The following VNN1 variants were observed in gnomAD, a reference collection of about 807,000 sequenced individuals.
The protein encoded by VNN1 is pantetheinase.
Under a neutral mutation model 41.9 loss-of-function variants are expected in VNN1, and 29 were observed. The observed-to-expected ratio is 0.69, with a 90% CI of 0.52 to 0.94. The LOEUF is 0.94. Among genes scored for constraint, VNN1 ranks in the 40% least tolerant of loss-of-function variants. The probability of loss-of-function intolerance (pLI) is 0.00; values close to 1 mark genes in which losing one functional copy is unlikely to be tolerated. For missense variants in VNN1, 637 were observed against 621.1 expected (o/e 1.03, Z -0.27); for synonymous variants, 233 against 224.4 (o/e 1.04, Z -0.34).
At chr6:132,699,860 T>A (rs1778426497) in intron 2 of VNN1, among the ~76,000 whole-genome samples, 2 of 152,314 alleles carry the variant, frequency 1.3e-5, no homozygotes, top group Middle Eastern at 6.8e-3. Context: ...ATATAACACC[T>A]CAATAGTAAG....
intron 1 of VNN1, among the ~76,000 whole-genome samples, chr6:132,712,511 T>G (rs1778617206): frequency 1.3e-5 from 2 of 152,206 alleles, no homozygotes. Context: ...TCGTTAACTA[T>G]AAACCTAGCT....
At chr6:132,683,345 C>T in intron 6 of VNN1, 23 bp from the exon 7 acceptor site, 1 of 1,597,348 alleles carries the variant, frequency 6.3e-7, no homozygotes, top group Non-Finnish European at 8.5e-7. Flanking sequence ...AAAAAGTAGG[C>T]AAAGGCTACC....
At chr6:132,688,817 T>C (rs1778240387) in intron 5 of VNN1, among the ~76,000 whole-genome samples, 1 of 152,180 alleles carries the variant, frequency 6.6e-6, no homozygotes, top group Non-Finnish European at 1.5e-5. Context: ...ATTTTGTACC[T>C]GTGTTCATGA....
Position 132,692,265 on chromosome 6 carries a change from T to C in VNN1, c.1146A>G (p.Ala382=). 1.2e-6 allele frequency: 2 copies of C among 1,609,504 alleles called. No individual in the cohort carries two copies. Among genetic ancestry groups the C allele is most frequent in the Non-Finnish European group, 1.7e-6 (2 of 1,177,700 alleles). The change falls in exon 5 of 7, where the codon GCA becomes GCG. Residue 382 remains alanine (A), a synonymous_variant. Coordinates refer to ENST00000367928, the MANE Select transcript of VNN1 (RefSeq NM_004666.3). ...CTTCCACAGTGTGCAGTCCGTCAAA[T>C]GCCCCTAGAGCGTACACTTCATTTG... ...NIPNEVYALG[A]FDGLHTVEGR... is the part of the protein sequence containing the mutation.
At chr6:132,701,058 A>G (rs2840826) in intron 2 of VNN1, among the ~76,000 whole-genome samples, 71,523 of 152,054 alleles carry the variant, frequency 0.47, 19,053 homozygotes, top group African/African-American at 0.72. Context: ...TCATCTGTGA[A>G]ACATTCAAAT....
chr6:132,703,856 G>A lies in VNN1; in HGVS notation c.341+7853C>T, dbSNP rs187823491. On this transcript the variant is annotated intron_variant, in intron 2 of 6. Transcript: ENST00000367928. ...AAGACACACACAGACAGAAAATAAA[G>A]GGATAGCAAAGATTTCCATGCAAAT... is the stretch of plus-strand genomic sequence containing the variant. Among the ~76,000 whole-genome samples the A allele has an allele frequency of 1.3e-3, 192 of 152,176 alleles. 1 individual carries two copies. Among genetic ancestry groups the A allele is most frequent in the African/African-American group, 4.4e-3 (181 of 41,536 alleles).
At chr6:132,706,587 T>G (rs2114369887) in intron 2 of VNN1, among the ~76,000 whole-genome samples, 1 of 152,290 alleles carries the variant, frequency 6.6e-6, no homozygotes, top group East Asian at 1.9e-4. Context: ...CTCCAGGACA[T>G]TGGTCTGGAC....
intron 2 of VNN1, among the ~76,000 whole-genome samples, chr6:132,707,668 A>T (rs942050745): frequency 2.0e-5 from 3 of 152,240 alleles, no homozygotes; most frequent in African/African-American, 7.2e-5. Flanking sequence ...AGGCACAGAA[A>T]GGCAAACATC....
At position 132,702,095 on chromosome 6, in the gene VNN1, C is replaced by T. The variant is rs1030265265; in HGVS notation, c.342-7913G>A. Among the ~76,000 whole-genome samples, 10 of 152,170 alleles carry T rather than the reference C, an allele frequency of 6.6e-5. No homozygotes were observed. In the East Asian group the frequency reaches 1.7e-3, roughly 26 times the overall value. Reference sequence around the variant, plus strand: ...CAGTCTAGGCCAGGGGTTCCCAATCCCTATGCCATGGACTGTGGCCTGTTA... The same window carrying T: ...CAGTCTAGGCCAGGGGTTCCCAATCTCTATGCCATGGACTGTGGCCTGTTA... On this transcript the variant is annotated intron_variant, in intron 2 of 6. Transcript: ENST00000367928.
At position 132,713,819 on chromosome 6, in the gene VNN1, A is replaced by T. The variant is rs753755825; in HGVS notation, c.210+7T>A. The T allele has an allele frequency of 1.1e-5, 18 of 1,612,248 alleles. No individual in the cohort carries two copies. The highest frequency in any genetic ancestry group is 1.5e-5 in the Non-Finnish European group (18 of 1,179,944). The stretch of plus-strand genomic sequence containing the variant: ...CCAGTACACTGGAGAGATGGTAGAG[A>T]TGGTACCTGATCTGCTGCTGATGTG... On this transcript the variant is annotated splice_region_variant and intron_variant, in intron 1 of 6. Coordinates refer to ENST00000367928, the MANE Select transcript of VNN1 (RefSeq NM_004666.3).
At chr6:132,685,343 G>C (rs1778190689) in intron 5 of VNN1, among the ~76,000 whole-genome samples, 1 of 152,188 alleles carries the variant, frequency 6.6e-6, no homozygotes, top group South Asian at 2.1e-4. Context: ...TCTCTTGCTT[G>C]ACTAAAGCAG....
intron 5 of VNN1, among the ~76,000 whole-genome samples, chr6:132,689,951 C>T (rs1361242914): frequency 6.6e-6 from 1 of 152,164 alleles, no homozygotes; most frequent in Non-Finnish European, 1.5e-5. Context: ...GCATCTCACC[C>T]ACCCAGCCAT....
At chr6:132,694,728 G>T (rs191585151) in intron 2 of VNN1, among the ~76,000 whole-genome samples, 1 of 151,970 alleles carries the variant, frequency 6.6e-6, no homozygotes, top group African/African-American at 2.4e-5. Context: ...CAGGCATAGT[G>T]GTGTGTGCCT....
At position 132,710,302 on chromosome 6, in the gene VNN1, G is replaced by A. The variant is rs373111710; in HGVS notation, c.341+1407C>T. Among the ~76,000 whole-genome samples the A allele has an allele frequency of 1.5e-4, 23 of 152,118 alleles. 1 individual carries two copies. In the East Asian group the frequency reaches 1.7e-3, roughly 11 times the overall value. ...TGACCTCAGGTGATCCTCCTGCCTC[G>A]GCCTCCCAAAGTGTTGGAATTACAG... On this transcript the variant is annotated intron_variant, in intron 2 of 6. Transcript: ENST00000367928.
At chr6:132,685,884 G>A (rs1325537408) in intron 5 of VNN1, among the ~76,000 whole-genome samples, 1 of 152,176 alleles carries the variant, frequency 6.6e-6, no homozygotes, top group Non-Finnish European at 1.5e-5. Flanking sequence ...GAAAGTTTAA[G>A]AGACATAGTT....
chr6:132,712,190 C>T (rs1778611727), intron 1 of VNN1, among the ~76,000 whole-genome samples: 1 of 149,530 alleles, frequency 6.7e-6, no homozygotes, highest in Admixed American at 6.7e-5. Context: ...CGCTCTGCTG[C>T]CCAGGCTGGA....
chr6:132,695,059 G>A (rs1296359638), intron 2 of VNN1, among the ~76,000 whole-genome samples: 1 of 152,130 alleles, frequency 6.6e-6, no homozygotes, highest in Non-Finnish European at 1.5e-5. Context: ...GGCTGAGGTG[G>A]GAGAATTGCT....
chr6:132,694,699 G>GAA (rs537526092), intron 2 of VNN1, among the ~76,000 whole-genome samples: 3,455 of 131,116 alleles, frequency 0.026, 74 homozygotes, highest in South Asian at 0.1. Flanking sequence ...TACAAAAAAT[G>GAA]AAAAAAAAAA....
intron 2 of VNN1, among the ~76,000 whole-genome samples, chr6:132,695,434 C>A (rs1198630885): frequency 6.6e-6 from 1 of 152,166 alleles, no homozygotes; most frequent in Non-Finnish European, 1.5e-5. Context: ...GTTCCTAAAG[C>A]AGCTTGCAGG....
Sources: allele counts gnomAD v4.1 joint callset (sites outside exome capture counted in the v4.1 genomes callset), GRCh38; gene constraint gnomAD v4.1.1; transcripts MANE v1.5; gene names NCBI Gene and HGNC (gene_info 2026-07-23, HGNC 2026-07-21).